The following WDFY4 variants were observed in gnomAD, a reference collection of about 807,000 sequenced individuals.
The protein encoded by WDFY4 is WDFY family member 4, also known as WD repeat- and FYVE domain-containing protein 4.
Under a neutral mutation model 351.9 loss-of-function variants are expected in WDFY4, and 169 were observed. The ratio of observed to expected loss-of-function variants is 0.48; its 90% CI spans 0.42 to 0.55. WDFY4 has a LOEUF of 0.55. WDFY4 is among the 20% of genes least tolerant of loss of function. The pLI is 0.00. For missense variants in WDFY4, 3,803 were observed against 3,935.6 expected (o/e 0.97, Z 0.90); for synonymous variants, 1,622 against 1,574.6 (o/e 1.03, Z -0.71).
At chr10:48,770,309 C>T (rs1340447497) in intron 13 of WDFY4, among the ~76,000 whole-genome samples, 1 of 152,108 alleles carries the variant, frequency 6.6e-6, no homozygotes, top group African/African-American at 2.4e-5. Context: ...AGTATTCCTG[C>T]TATGTTGGGG....
chr10:48,925,709 G>T (rs572752061), intron 47 of WDFY4, among the ~76,000 whole-genome samples: 1 of 152,238 alleles, frequency 6.6e-6, no homozygotes, highest in East Asian at 1.9e-4. Flanking sequence ...GCTGATGGAG[G>T]GATGATGGCA....
intron 2 of WDFY4, among the ~76,000 whole-genome samples, chr10:48,715,628 T>A (rs1349956120): frequency 6.6e-6 from 1 of 152,056 alleles, no homozygotes; most frequent in East Asian, 1.9e-4. Context: ...ATTATTTTTT[T>A]ATTTTTTTTA....
chr10:48,968,450 T>G (rs1842185449), intron 55 of WDFY4: 1 of 152,908 alleles, frequency 6.5e-6, no homozygotes, highest in Non-Finnish European at 1.5e-5. Flanking sequence ...CTCTTCCTCC[T>G]GGGTGGTAGG....
chr10:48,715,204 C>T (rs544180125), intron 2 of WDFY4, among the ~76,000 whole-genome samples: 10 of 152,364 alleles, frequency 6.6e-5, no homozygotes, highest in Non-Finnish European at 1.2e-4. Flanking sequence ...TCTTAGCTCC[C>T]ATTAGCTGCC....
intron 55 of WDFY4, chr10:48,967,606 G>A (rs1026982194): frequency 2.6e-5 from 4 of 152,034 alleles, no homozygotes; most frequent in African/African-American, 9.7e-5. Context: ...ATAGAAGCAG[G>A]AGTCCACTGG....
At chr10:48,913,997 G>A (rs371044550) in intron 47 of WDFY4, 33 of 1,614,058 alleles carry the variant, frequency 2.0e-5, no homozygotes, top group African/African-American at 4.0e-5. Context: ...GGTCCAGCTC[G>A]TCCATGTCAC....
intron 11 of WDFY4, among the ~76,000 whole-genome samples, chr10:48,737,034 TCA>T (rs978244424): frequency 6.6e-5 from 10 of 152,260 alleles, no homozygotes; most frequent in Admixed American, 1.3e-4. Context: ...CTTACAACTT[TCA>T]CAGTTTTGTT....
chr10:48,762,095 G>A (rs1306563440), intron 13 of WDFY4, among the ~76,000 whole-genome samples: 1 of 152,200 alleles, frequency 6.6e-6, no homozygotes, highest in Non-Finnish European at 1.5e-5. Context: ...GCTTTGCTTT[G>A]TCCAGGAGTT....
chr10:48,914,371 G>A, intron 47 of WDFY4: 2 of 568,174 alleles, frequency 3.5e-6, no homozygotes, highest in Non-Finnish European at 3.1e-6. Flanking sequence ...AGTGGACCCA[G>A]CCCAGCCATA....
intron 12 of WDFY4, among the ~76,000 whole-genome samples, chr10:48,759,458 G>A (rs1350969127): frequency 1.3e-5 from 2 of 152,154 alleles, no homozygotes; most frequent in Admixed American, 1.3e-4. Flanking sequence ...AAAGAGCAAT[G>A]GGAATTTTAC....
At chr10:48,800,268 G>C (rs11101501) in intron 24 of WDFY4, among the ~76,000 whole-genome samples, 26,324 of 152,192 alleles carry the variant, frequency 0.17, 3,476 homozygotes, top group African/African-American at 0.36. Context: ...AGTTAAAATA[G>C]TAGTGGGAGA....
intron 11 of WDFY4, among the ~76,000 whole-genome samples, chr10:48,741,237 T>C (rs1341592672): frequency 6.6e-6 from 1 of 152,258 alleles, no homozygotes; most frequent in Non-Finnish European, 1.5e-5. Context: ...TAGTGGAATA[T>C]AACATTAGAG....
At chr10:48,702,063 TA>T (rs964939586) in intron 1 of WDFY4, among the ~76,000 whole-genome samples, 3 of 152,226 alleles carry the variant, frequency 2.0e-5, no homozygotes, top group Non-Finnish European at 4.4e-5. Context: ...TTTCTTTTTT[TA>T]GTGCACACTT....
intron 17 of WDFY4, 150 bp downstream of exon 17, chr10:48,777,645 G>A (rs2066077856): frequency 2.5e-6 from 2 of 788,922 alleles, no homozygotes; most frequent in African/African-American, 1.7e-5. Context: ...TGCAATTTGG[G>A]AGGCCAAGAC....
Position 48,810,585 on chromosome 10 carries a change from C to G in WDFY4, c.4894C>G (p.Gln1632Glu). 1.3e-6 allele frequency: 2 copies of G among 1,551,698 alleles called. No homozygotes were observed. The highest frequency in any genetic ancestry group is 1.7e-6 in the Non-Finnish European group (2 of 1,146,986). Residue 1632 changes from glutamine to glutamate, a missense_variant, in exon 29 of 62, where the codon CAG (glutamine) becomes GAG (glutamate). Physicochemically the swap from Gln to Glu is conservative, Grantham distance 29 (BLOSUM62 2). Coordinates refer to ENST00000325239, the MANE Select transcript of WDFY4 (RefSeq NM_001394531.1). ...LGPDWFLLLL[Q>E]GHLHASTTVL... Reference sequence around the variant, plus strand: ...GCCTGACTGGTTCCTGCTGCTCCTGCAGGGCCACCTGCATGCCAGCACCAC... The same window carrying G: ...GCCTGACTGGTTCCTGCTGCTCCTGGAGGGCCACCTGCATGCCAGCACCAC...
chr10:48,804,777 G>GGC (rs1555017755), intron 25 of WDFY4: 5 of 911,788 alleles, frequency 5.5e-6, no homozygotes, highest in African/African-American at 3.0e-5. Flanking sequence ...ATCTGAGGGA[G>GGC]GGGGTATGGA....
chr10:48,969,138 A>T lies in WDFY4; in HGVS notation c.8659A>T (p.Ile2887Phe). ...IGHIVSTEKT[I>F]LAVERNKVLL... is the part of the protein sequence containing the mutation. The stretch of plus-strand genomic sequence containing the variant: ...CCACATTGTCTCTACTGAGAAGACC[A>T]TTCTGGCTGTAGAGAGGAACAAAGT... Residue 2887 changes from isoleucine to phenylalanine, a missense_variant, in exon 56 of 62, where the codon ATT becomes TTT. By Grantham distance (21) the Ile-to-Phe change is conservative. Transcript: ENST00000325239. 6.4e-7 allele frequency: 1 copy of T among 1,551,786 alleles called. No individual in the cohort carries two copies. The highest frequency in any genetic ancestry group is 1.4e-5 in the African/African-American group (1 of 73,170).
chr10:48,819,044 A>G (rs980856198), intron 32 of WDFY4, among the ~76,000 whole-genome samples: 1 of 152,158 alleles, frequency 6.6e-6, no homozygotes, highest in Admixed American at 6.5e-5. Context: ...CCATCTGCTG[A>G]GTCGGGGCTC....
intron 13 of WDFY4, among the ~76,000 whole-genome samples, chr10:48,769,309 C>A (rs971664814): frequency 6.6e-6 from 1 of 152,142 alleles, no homozygotes; most frequent in African/African-American, 2.4e-5. Context: ...GGGACCATGG[C>A]AAAATGGAAA....
Sources: gnomAD v4.1 joint callset for allele counts (sites outside exome capture counted in the v4.1 genomes callset) on GRCh38, gnomAD v4.1.1 for gene constraint, MANE v1.5 for transcripts, NCBI Gene and HGNC (gene_info 2026-07-23, HGNC 2026-07-21) for gene names.